The following SH3GL2 variants were observed in gnomAD, a reference collection of about 807,000 sequenced individuals.
SH3GL2 encodes endophilin-A1.
A neutral mutation model predicts 46.0 loss-of-function variants in SH3GL2; 24 were observed. The ratio of observed to expected loss-of-function variants is 0.52; its 90% CI spans 0.38 to 0.73. The LOEUF (loss-of-function observed/expected upper bound fraction) is 0.73, where lower values mean the gene tolerates loss of function less well. Ranked by LOEUF, SH3GL2 falls within the 30% of genes least tolerant of loss-of-function variation. SH3GL2 has a pLI of 0.00. For synonymous variants in SH3GL2, 196 were observed against 147.1 expected, an observed-to-expected ratio of 1.33 and a Z score of -2.40; for missense variants, 413 against 424.2, an observed-to-expected ratio of 0.97 and a Z score of 0.23.
At chr9:17,653,460 G>T (rs942584470) in intron 1 of SH3GL2, among the ~76,000 whole-genome samples, 3 of 152,018 alleles carry the variant, frequency 2.0e-5, no homozygotes, top group African/African-American at 7.2e-5. Context: ...TTTTTGGCCA[G>T]GTTTTCTAAG....
chr9:17,671,079 G>C (rs1206632330), intron 1 of SH3GL2, among the ~76,000 whole-genome samples: 4 of 152,130 alleles, frequency 2.6e-5, no homozygotes, highest in Admixed American at 1.3e-4. Context: ...CATTATATTT[G>C]AATGATTGTG....
In SH3GL2 at chr9:17,686,831, C is replaced by T. The variant is rs530207356; in HGVS notation, c.46-60235C>T. ...GGAGGGTTAGCACTGGGAGATATACCTAATGCTAGATGACGAGTTAGTGGG... is the reference window on the plus strand; with the variant it reads ...GGAGGGTTAGCACTGGGAGATATACTTAATGCTAGATGACGAGTTAGTGGG... On this transcript the variant is annotated intron_variant, in intron 1 of 8. Coordinates refer to ENST00000380607, the MANE Select transcript of SH3GL2 (RefSeq NM_003026.5). Among the ~76,000 whole-genome samples the T allele has an allele frequency of 3.4e-4, 50 of 149,214 alleles. 1 individual carries two copies. The East Asian group carries it at 6.9e-3, about 21-fold the overall frequency.
chr9:17,645,797 A>C (rs1235497626), intron 1 of SH3GL2, among the ~76,000 whole-genome samples: 2 of 151,914 alleles, frequency 1.3e-5, no homozygotes, highest in African/African-American at 4.8e-5. Context: ...CACTGCTTGC[A>C]CTTAACATTT....
At chr9:17,686,905 A>G (rs1820926632) in intron 1 of SH3GL2, among the ~76,000 whole-genome samples, 1 of 148,716 alleles carries the variant, frequency 6.7e-6, no homozygotes, top group African/African-American at 2.5e-5. Flanking sequence ...TAACCTGCAC[A>G]ATGTGCACAT....
At chr9:17,690,838 G>A (rs3808713) in intron 1 of SH3GL2, among the ~76,000 whole-genome samples, 65,617 of 151,938 alleles carry the variant, frequency 0.43, 14,544 homozygotes, top group Admixed American at 0.56. Context: ...TCCTCTAGAA[G>A]GCCAGGGAAT....
chr9:17,679,456 T>C (rs1820707116), intron 1 of SH3GL2, among the ~76,000 whole-genome samples: 1 of 152,178 alleles, frequency 6.6e-6, no homozygotes, highest in South Asian at 2.1e-4. Context: ...TAAGAATGCT[T>C]GTGATTTTTG....
At chr9:17,660,605 T>A (rs1266234700) in intron 1 of SH3GL2, among the ~76,000 whole-genome samples, 4 of 152,176 alleles carry the variant, frequency 2.6e-5, no homozygotes, top group Non-Finnish European at 4.4e-5. Flanking sequence ...ATTTCAGCCC[T>A]GAACTAGAAA....
intron 1 of SH3GL2, among the ~76,000 whole-genome samples, chr9:17,716,788 C>T (rs57298855): frequency 2.0e-5 from 3 of 152,132 alleles, no homozygotes; most frequent in Admixed American, 2.0e-4. Context: ...TGTTCTCTCT[C>T]TTTGCATTGT....
intron 8 of SH3GL2, among the ~76,000 whole-genome samples, chr9:17,793,985 A>G (rs186965405): frequency 2.8e-4 from 42 of 152,352 alleles, no homozygotes; most frequent in Admixed American, 2.4e-3. Flanking sequence ...TCACAGAAGC[A>G]TATGGTTAAA....
chr9:17,724,806 T>C (rs1821982692), intron 1 of SH3GL2, among the ~76,000 whole-genome samples: 2 of 152,166 alleles, frequency 1.3e-5, no homozygotes, highest in Non-Finnish European at 2.9e-5. Context: ...ATGTCCCTGC[T>C]CAAATTTGTT....
Position 17,766,609 on chromosome 9 carries a change from A to G in SH3GL2, c.187+5100A>G, listed in dbSNP as rs532889169. On this transcript the variant is annotated intron_variant, in intron 3 of 8. Coordinates refer to ENST00000380607, the MANE Select transcript of SH3GL2 (RefSeq NM_003026.5). Reference sequence around the variant, plus strand: ...GAGAAAGATGAAATTGTCTTTAATAATATATTTTATTTAACCCATTATAGC... The same window carrying G: ...GAGAAAGATGAAATTGTCTTTAATAGTATATTTTATTTAACCCATTATAGC... Among the ~76,000 whole-genome samples the G allele has an allele frequency of 4.1e-4, 62 of 152,358 alleles. No individual in the cohort carries two copies. In the South Asian group the frequency reaches 0.012, roughly 29 times the overall value.
At chr9:17,585,120 C>G (rs1818348865) in intron 1 of SH3GL2, among the ~76,000 whole-genome samples, 2 of 152,108 alleles carry the variant, frequency 1.3e-5, no homozygotes, top group Admixed American at 1.3e-4. Flanking sequence ...TCCATTCTGC[C>G]AAGCCTCTTG....
At chr9:17,684,214 G>A (rs1292204406) in intron 1 of SH3GL2, among the ~76,000 whole-genome samples, 1 of 152,106 alleles carries the variant, frequency 6.6e-6, no homozygotes, top group East Asian at 1.9e-4. Flanking sequence ...TGCATGTACA[G>A]ATGGGGAATT....
At chr9:17,606,088 T>TGTTA (rs1818755997) in intron 1 of SH3GL2, among the ~76,000 whole-genome samples, 1 of 146,552 alleles carries the variant, frequency 6.8e-6, no homozygotes, top group Non-Finnish European at 1.5e-5. Flanking sequence ...GCGTGAGGTT[T>TGTTA]GTTTGTTTGT....
intron 1 of SH3GL2, among the ~76,000 whole-genome samples, chr9:17,699,873 G>A (rs1000236261): frequency 2.6e-5 from 4 of 152,092 alleles, no homozygotes; most frequent in Non-Finnish European, 4.4e-5. Flanking sequence ...TGTATCTTTG[G>A]CCACCTATCT....
chr9:17,653,768 G>C, intron 1 of SH3GL2: 2 of 348,330 alleles, frequency 5.7e-6, no homozygotes, highest in Non-Finnish European at 8.1e-6. Context: ...AGCCTGAAGG[G>C]TGAAAGCAGT....
chr9:17,740,273 A>G (rs1822486847), intron 1 of SH3GL2, among the ~76,000 whole-genome samples: 2 of 152,144 alleles, frequency 1.3e-5, no homozygotes, highest in African/African-American at 4.8e-5. Flanking sequence ...GCATTTAAGC[A>G]TTCCAACTTA....
At chr9:17,695,061 A>G (rs1821169639) in intron 1 of SH3GL2, among the ~76,000 whole-genome samples, 1 of 152,086 alleles carries the variant, frequency 6.6e-6, no homozygotes, top group Admixed American at 6.6e-5. Flanking sequence ...GGAAAGAGGC[A>G]CTGCAAAAGT....
rs141064687 is a variant in SH3GL2 at position 17,665,407 on chromosome 9, G to A, written c.46-81659G>A. Among the ~76,000 whole-genome samples the A allele has an allele frequency of 2.2e-3, 336 of 151,720 alleles. 2 individuals are homozygous for A. The highest frequency in any genetic ancestry group is 3.1e-3 in the Non-Finnish European group (207 of 67,862). ...ATCATTCTTCATCCTTTTTTCTTTC[G>A]TGACCTTGATGTTTTTGATGAGTAC... On this transcript the variant is annotated intron_variant, in intron 1 of 8. Transcript: ENST00000380607.
Sources: gnomAD v4.1 joint callset for allele counts (sites outside exome capture counted in the v4.1 genomes callset) on GRCh38, gnomAD v4.1.1 for gene constraint, MANE v1.5 for transcripts, NCBI Gene and HGNC (gene_info 2026-07-23, HGNC 2026-07-21) for gene names.